PLXDC2: variants seen among roughly 807,000 people sequenced by gnomAD.
PLXDC2 encodes the protein plexin domain containing 2, also known as plexin domain-containing protein 2.
A neutral mutation model predicts 68.9 loss-of-function variants in PLXDC2; 40 were observed. That is an observed-to-expected ratio of 0.58 (90% CI 0.45 to 0.76). PLXDC2 has a LOEUF of 0.76. Among genes scored for constraint, PLXDC2 ranks in the 30% least tolerant of loss-of-function variants. PLXDC2 has a pLI of 0.00. For missense variants in PLXDC2, 644 were observed against 661.9 expected, an observed-to-expected ratio of 0.97 and a Z score of 0.30; for synonymous variants, 243 against 234.2, an observed-to-expected ratio of 1.04 and a Z score of -0.34.
intron 1 of PLXDC2, among the ~76,000 whole-genome samples, chr10:19,988,601 TTGTA>T (rs1298513228): frequency 6.6e-6 from 1 of 151,986 alleles, no homozygotes; most frequent in Non-Finnish European, 1.5e-5. Context: ...ATCTCCAAAA[TTGTA>T]TGGTTTAGCA....
intron 1 of PLXDC2, among the ~76,000 whole-genome samples, chr10:19,838,496 CT>C (rs1460640490): frequency 6.6e-6 from 1 of 152,138 alleles, no homozygotes; most frequent in Non-Finnish European, 1.5e-5. Flanking sequence ...AGACAAGTCA[CT>C]TTGCTATAGT....
At chr10:20,149,229 C>CCTTTTTTTT (rs1834120053) in intron 6 of PLXDC2, among the ~76,000 whole-genome samples, 3 of 34,924 alleles carry the variant, frequency 8.6e-5, no homozygotes, top group African/African-American at 3.6e-4. Flanking sequence ...TTTTTCTTTT[C>CCTTTTTTTT]TTTTTTTTTT....
chr10:20,177,212 A>T, intron 8 of PLXDC2, 116 bp from the exon 9 acceptor site: 2 of 1,321,762 alleles, frequency 1.5e-6, no homozygotes, highest in Non-Finnish European at 1.1e-6. Flanking sequence ...TTTGGCATGC[A>T]TGGGCATTTT....
At chr10:20,173,692 C>T (rs1288845713) in intron 7 of PLXDC2, among the ~76,000 whole-genome samples, 1 of 152,156 alleles carries the variant, frequency 6.6e-6, no homozygotes, top group East Asian at 1.9e-4. Flanking sequence ...ATCACCATCG[C>T]TAAGACTGAA....
At chr10:19,828,211 A>G (rs543327176) in intron 1 of PLXDC2, among the ~76,000 whole-genome samples, 1 of 152,350 alleles carries the variant, frequency 6.6e-6, no homozygotes, top group Non-Finnish European at 1.5e-5. Context: ...CATCCTAAGA[A>G]ACAGCTTTGG....
intron 4 of PLXDC2, among the ~76,000 whole-genome samples, chr10:20,112,695 T>C (rs1833574724): frequency 6.6e-6 from 1 of 152,270 alleles, no homozygotes; most frequent in Admixed American, 6.5e-5. Context: ...TTTGCCTTAA[T>C]TTAACATTAT....
chr10:20,123,536 A>G (rs572009477), intron 4 of PLXDC2, among the ~76,000 whole-genome samples: 16 of 152,270 alleles, frequency 1.1e-4, no homozygotes, highest in African/African-American at 2.9e-4. Context: ...GCAGAAGAAA[A>G]TAAGATGCTT....
intron 9 of PLXDC2, among the ~76,000 whole-genome samples, chr10:20,192,702 A>C (rs1834782724): frequency 6.6e-6 from 1 of 152,066 alleles, no homozygotes; most frequent in African/African-American, 2.4e-5. Flanking sequence ...GACCTATGAA[A>C]AGAGAGAATA....
chr10:20,245,731 A>G (rs910496963), intron 13 of PLXDC2, among the ~76,000 whole-genome samples: 2 of 152,200 alleles, frequency 1.3e-5, no homozygotes, highest in Non-Finnish European at 2.9e-5. Flanking sequence ...TTAAAGACAT[A>G]AACTATCTTG....
intron 1 of PLXDC2, among the ~76,000 whole-genome samples, chr10:19,981,548 C>T (rs1344823521): frequency 1.3e-5 from 2 of 152,114 alleles, no homozygotes; most frequent in African/African-American, 4.8e-5. Context: ...CTGGGACTCA[C>T]CCAGACATCT....
chr10:19,875,084 G>A (rs557772159), intron 1 of PLXDC2, among the ~76,000 whole-genome samples: 6 of 152,196 alleles, frequency 3.9e-5, no homozygotes, highest in African/African-American at 1.4e-4. Flanking sequence ...CAGAATGAAG[G>A]TGCAAAAATT....
intron 1 of PLXDC2, among the ~76,000 whole-genome samples, chr10:19,910,688 T>C (rs181012486): frequency 6.8e-6 from 1 of 147,912 alleles, no homozygotes; most frequent in Non-Finnish European, 1.5e-5. Flanking sequence ...ATTCCATGCC[T>C]ATCCCCACCA....
In PLXDC2 at chr10:20,108,696, T is replaced by C. The variant is rs180893294; in HGVS notation, c.542-34599T>C. ...AAATCTCATCATCCTCTTTTTTAAA[T>C]TGAGGTTATGTCACTTGATAGTTTT... On this transcript the variant is annotated intron_variant, in intron 4 of 13. Transcript: ENST00000377252. 1.4e-4 allele frequency among the ~76,000 whole-genome samples: 21 copies of C among 152,302 alleles called. No individual in the cohort carries two copies. The East Asian group carries it at 3.5e-3, about 25-fold the overall frequency.
At chr10:20,219,322 A>G (rs1331512117) in intron 12 of PLXDC2, among the ~76,000 whole-genome samples, 1 of 152,178 alleles carries the variant, frequency 6.6e-6, no homozygotes, top group Non-Finnish European at 1.5e-5. Flanking sequence ...CCAATTCCCA[A>G]TGATAAAGTG....
chr10:20,077,611 G>T (rs1335522359), intron 4 of PLXDC2, among the ~76,000 whole-genome samples: 3 of 152,096 alleles, frequency 2.0e-5, no homozygotes, highest in South Asian at 4.1e-4. Context: ...CAAAGAAAAT[G>T]GAAGAAAATG....
chr10:20,217,663 G>T, intron 11 of PLXDC2, 87 bp downstream of exon 11: 1 of 1,365,334 alleles, frequency 7.3e-7, no homozygotes. Context: ...GACATGTACT[G>T]GAATAGCTCC....
rs544281828 is a variant in PLXDC2 at position 20,243,796 on chromosome 10, C to A, written c.1313-1549C>A. On this transcript the variant is annotated intron_variant, in intron 12 of 13. Transcript: ENST00000377252. ...TATTGAGGCCGGGTGCAAAGGCTCA[C>A]GCCTGTAATCCCAGTACTTTGGGAG... Among the ~76,000 whole-genome samples the A allele has an allele frequency of 6.6e-5, 10 of 152,300 alleles. No individual in the cohort carries two copies. In the South Asian group the frequency reaches 1.0e-3, roughly 16 times the overall value.
chr10:20,271,945 A>G (rs1835946394), intron 13 of PLXDC2, among the ~76,000 whole-genome samples: 1 of 152,240 alleles, frequency 6.6e-6, no homozygotes, highest in Non-Finnish European at 1.5e-5. Context: ...TAAATAAGAT[A>G]AATGCCTTAT....
chr10:20,240,446 G>A (rs1428212274), intron 12 of PLXDC2, among the ~76,000 whole-genome samples: 1 of 151,960 alleles, frequency 6.6e-6, no homozygotes, highest in Non-Finnish European at 1.5e-5. Context: ...ATATACCCAG[G>A]ATACTCTAAA....
Sources: allele counts gnomAD v4.1 joint callset (sites outside exome capture counted in the v4.1 genomes callset), GRCh38; gene constraint gnomAD v4.1.1; transcripts MANE v1.5; gene names NCBI Gene and HGNC (gene_info 2026-07-23, HGNC 2026-07-21).